Variants in IFT74 observed in about 807,000 individuals in gnomAD.
IFT74 encodes intraflagellar transport 74.
Under a neutral mutation model 96.7 loss-of-function variants are expected in IFT74, and 92 were observed. The observed-to-expected ratio is 0.95, with a 90% CI of 0.80 to 1.13. The LOEUF (loss-of-function observed/expected upper bound fraction) is 1.13, where lower values mean the gene tolerates loss of function less well. IFT74 is among the 50% of genes most tolerant of loss of function. The pLI is 0.00. For synonymous variants in IFT74, 223 were observed against 213.2 expected (o/e 1.05, Z -0.40); for missense variants, 811 against 698.2 (o/e 1.16, Z -1.82).
chr9:26,993,250 C>G (rs1296758310), intron 8 of IFT74: 1 of 151,994 alleles, frequency 6.6e-6, no homozygotes, highest in Non-Finnish European at 1.5e-5. Flanking sequence ...TTTCATTTTG[C>G]TACATTTCTC....
intron 7 of IFT74, among the ~76,000 whole-genome samples, chr9:26,989,673 T>C (rs187451361): frequency 1.5e-4 from 23 of 152,222 alleles, no homozygotes; most frequent in Admixed American, 4.6e-4. Context: ...AAAAACCTTA[T>C]GTGTTTTGTC....
intron 2 of IFT74, among the ~76,000 whole-genome samples, chr9:26,966,982 A>G (rs1205644977): frequency 1.3e-5 from 2 of 151,638 alleles, no homozygotes; most frequent in South Asian, 2.1e-4. Flanking sequence ...CTCTAGATAT[A>G]TGGATTTATT....
intron 1 of IFT74, among the ~76,000 whole-genome samples, chr9:26,948,448 A>ATTATTATTATTATTTTTTTTTT (rs1825819541): frequency 1.7e-5 from 1 of 59,162 alleles, no homozygotes; most frequent in Non-Finnish European, 3.8e-5. Flanking sequence ...GCTTTCCATT[A>ATTATTATTATTATTTTTTTTTT]TTTTTTTTTT....
chr9:27,031,324 G>T (rs994051877), intron 13 of IFT74, among the ~76,000 whole-genome samples: 3 of 152,008 alleles, frequency 2.0e-5, no homozygotes, highest in African/African-American at 7.2e-5. Flanking sequence ...AAAATTAGCC[G>T]GGCCTGGTGG....
Position 27,007,954 on chromosome 9 carries a change from G to C in IFT74, c.588-1066G>C, listed in dbSNP as rs372875799. On this transcript the variant is annotated intron_variant, in intron 8 of 19. Transcript: ENST00000380062. ...CTCTACCCTATCAATAATTGACCTTGCCTAGGCAACAAGTGACATGTCATT... is the reference window on the plus strand; with the variant it reads ...CTCTACCCTATCAATAATTGACCTTCCCTAGGCAACAAGTGACATGTCATT... Among the ~76,000 whole-genome samples, 8 of 152,168 alleles carry C rather than the reference G, an allele frequency of 5.3e-5. No homozygotes were observed. In the East Asian group the frequency reaches 5.8e-4, roughly 11 times the overall value.
chr9:27,017,930 C>G (rs1484159676), intron 11 of IFT74, among the ~76,000 whole-genome samples: 1 of 152,192 alleles, frequency 6.6e-6, no homozygotes, highest in African/African-American at 2.4e-5. Flanking sequence ...CAGTCAGGGA[C>G]TCCTTTGCCC....
chr9:27,039,257 G>A (rs982459990), intron 13 of IFT74, among the ~76,000 whole-genome samples: 4 of 151,906 alleles, frequency 2.6e-5, no homozygotes, highest in African/African-American at 7.3e-5. Context: ...TCTCGAACTC[G>A]CAGCCTCAAG....
At chr9:26,948,257 C>T (rs1265437271) in intron 1 of IFT74, among the ~76,000 whole-genome samples, 8 of 152,094 alleles carry the variant, frequency 5.3e-5, no homozygotes, top group Admixed American at 5.2e-4. Flanking sequence ...CTTCTCCAAA[C>T]TCTAGATCTG....
intron 6 of IFT74, 106 bp downstream of exon 6, chr9:26,984,665 A>G: frequency 1.3e-6 from 1 of 799,028 alleles, no homozygotes; most frequent in Non-Finnish European, 2.0e-6. Flanking sequence ...ATACTTTTCA[A>G]AAGAAGACAA....
intron 9 of IFT74, among the ~76,000 whole-genome samples, chr9:27,010,529 G>A (rs560067448): frequency 2.9e-5 from 4 of 139,832 alleles, no homozygotes; most frequent in East Asian, 2.1e-4. Context: ...TCGCTCTGTC[G>A]CCCGGGCTGG....
Position 27,062,727 on chromosome 9 carries a change from C to G in IFT74, c.1794C>G (p.Ser598Arg), listed in dbSNP as rs201682450. The G allele has an allele frequency of 6.4e-7, 1 of 1,560,634 alleles. No homozygotes were observed. Among genetic ancestry groups the G allele is most frequent in the East Asian group, 2.3e-5 (1 of 43,854 alleles). Residue 598 changes from serine to arginine, a missense_variant, in exon 20 of 20, where the codon AGC (serine) becomes AGG (arginine). Coordinates refer to ENST00000380062, the MANE Select transcript of IFT74 (RefSeq NM_025103.4). ...KTIVDALHST[S>R]GN ...TCGTGGATGCTTTACATAGCACCAG[C>G]GGAAACTGAGTTTAAGTCCACTGAA...
At chr9:27,011,091 A>G (rs1829043280) in intron 9 of IFT74, among the ~76,000 whole-genome samples, 1 of 152,166 alleles carries the variant, frequency 6.6e-6, no homozygotes, top group South Asian at 2.1e-4. Context: ...TGTCTCTACT[A>G]AAAACACAAA....
chr9:26,986,044 A>C (rs1827618270), intron 6 of IFT74, among the ~76,000 whole-genome samples: 1 of 152,122 alleles, frequency 6.6e-6, no homozygotes, highest in Admixed American at 6.6e-5. Context: ...CTAGTGTCAG[A>C]ATTTTCTTTT....
chr9:27,062,660 AG>A lies in IFT74; in HGVS notation c.1728del (p.Asn578MetfsTer2). The A allele has an allele frequency of 6.2e-7, 1 of 1,610,788 alleles. No individual in the cohort carries two copies. Among genetic ancestry groups the A allele is most frequent in the East Asian group, 2.2e-5 (1 of 44,722 alleles). ...CAAGAGAGTGATTACCAGCCAATTA[AG>A]AAAAATGTGACCAAGCAGATTGCAG... Reference protein sequence around the residue: ...KSQESDYQPIKKNVTKQIAEY... With the variant: ...KSQESDYQPIXKNVTKQIAEY... On this transcript the variant is annotated frameshift_variant, in exon 20 of 20. Transcript: ENST00000380062. LOFTEE classifies it high-confidence loss of function.
chr9:27,054,084 C>G (rs1213036041), intron 16 of IFT74, among the ~76,000 whole-genome samples: 1 of 152,246 alleles, frequency 6.6e-6, no homozygotes, highest in Non-Finnish European at 1.5e-5. Context: ...TCAAGAAATA[C>G]TGGCTTAATT....
chr9:27,036,940 C>T (rs1444253994), intron 13 of IFT74: 22 of 584,336 alleles, frequency 3.8e-5, no homozygotes, highest in Non-Finnish European at 4.7e-5. Flanking sequence ...AGAGACTGGT[C>T]GGGCACAGTG....
chr9:27,035,170 G>C (rs774351117), intron 13 of IFT74, among the ~76,000 whole-genome samples: 9 of 152,118 alleles, frequency 5.9e-5, no homozygotes, highest in Non-Finnish European at 1.2e-4. Context: ...TGTTAATGCT[G>C]TTACTTTATA....
chr9:26,999,770 C>CTTTTTTT (rs1179000269), intron 8 of IFT74: 36 of 340,168 alleles, frequency 1.1e-4, no homozygotes, highest in East Asian at 4.7e-4. Flanking sequence ...TCTGTTTATT[C>CTTTTTTT]TTTTTTTTTT....
At chr9:27,060,961 C>CAAAAAAA (rs752655360) in intron 19 of IFT74, 12 of 38,322 alleles carry the variant, frequency 3.1e-4, no homozygotes, top group Non-Finnish European at 4.8e-4. Flanking sequence ...GACTCCATCT[C>CAAAAAAA]AAAAAAAAAA....
Sources: gnomAD v4.1 joint callset for allele counts (sites outside exome capture counted in the v4.1 genomes callset) on GRCh38, gnomAD v4.1.1 for gene constraint, MANE v1.5 for transcripts, NCBI Gene and HGNC (gene_info 2026-07-23, HGNC 2026-07-21) for gene names.